The following TPD52L1 variants were observed in gnomAD, a reference collection of about 807,000 sequenced individuals.
The protein encoded by TPD52L1 is TPD52 like 1.
A neutral mutation model predicts 28.7 loss-of-function variants in TPD52L1; 18 were observed. The ratio of observed to expected loss-of-function variants is 0.63; its 90% CI spans 0.43 to 0.93. TPD52L1 has a LOEUF of 0.93. TPD52L1 is among the 40% of genes least tolerant of loss of function. The pLI is 0.00. For synonymous variants in TPD52L1, 75 were observed against 88.8 expected (o/e 0.84, Z 0.88); for missense variants, 203 against 254.8 (o/e 0.80, Z 1.39).
intron 1 of TPD52L1, among the ~76,000 whole-genome samples, chr6:125,207,306 C>T (rs892788102): frequency 6.6e-6 from 1 of 152,150 alleles, no homozygotes; most frequent in African/African-American, 2.4e-5. Context: ...AATTCTGTAA[C>T]CTAACAGATT....
chr6:125,241,087 A>G (rs866306417), intron 3 of TPD52L1, among the ~76,000 whole-genome samples: 5 of 151,988 alleles, frequency 3.3e-5, no homozygotes, highest in African/African-American at 1.2e-4. Context: ...AGATGATCAT[A>G]TGATTTTTGT....
At chr6:125,245,542 A>T (rs1037493288) in intron 3 of TPD52L1, among the ~76,000 whole-genome samples, 19 of 150,906 alleles carry the variant, frequency 1.3e-4, no homozygotes, top group Admixed American at 7.9e-4. Flanking sequence ...GCAGGGATAG[A>T]CTCTCCTTGG....
rs569810396 is a variant in TPD52L1 at position 125,217,097 on chromosome 6, T to C, written c.20-2981T>C. On this transcript the variant is annotated intron_variant, in intron 1 of 6. Transcript: ENST00000534000. ...AAAGGTAAAGTGGAGAAAATACTCATGAACAGAAAGTCAGTGTCCAGAAAT... is the reference window on the plus strand; with the variant it reads ...AAAGGTAAAGTGGAGAAAATACTCACGAACAGAAAGTCAGTGTCCAGAAAT... Among the ~76,000 whole-genome samples the C allele has an allele frequency of 7.9e-5, 12 of 152,276 alleles. No homozygotes were observed. In the East Asian group the frequency reaches 1.5e-3, roughly 20 times the overall value.
intron 3 of TPD52L1, among the ~76,000 whole-genome samples, chr6:125,238,726 A>G (rs964742036): frequency 2.0e-5 from 3 of 152,220 alleles, no homozygotes; most frequent in Non-Finnish European, 4.4e-5. Context: ...ATATATATTA[A>G]CTAGACTCAG....
intron 2 of TPD52L1, among the ~76,000 whole-genome samples, chr6:125,228,686 T>C (rs1423689000): frequency 2.0e-5 from 3 of 152,012 alleles, no homozygotes; most frequent in Non-Finnish European, 4.4e-5. Flanking sequence ...TTAAAATAAA[T>C]AAATAAAGTG....
intron 6 of TPD52L1, among the ~76,000 whole-genome samples, chr6:125,257,439 A>G (rs1435910012): frequency 3.3e-5 from 5 of 152,264 alleles, no homozygotes; most frequent in South Asian, 4.2e-4. Context: ...CCAAAAGTAG[A>G]TATGTGAGAG....
intron 1 of TPD52L1, among the ~76,000 whole-genome samples, chr6:125,204,781 T>A (rs138045433): frequency 1.3e-5 from 2 of 152,298 alleles, no homozygotes; most frequent in Non-Finnish European, 2.9e-5. Context: ...GCCAGGCCTA[T>A]CAGATTTAAT....
At chr6:125,177,888 A>C (rs1791920684) in intron 1 of TPD52L1, among the ~76,000 whole-genome samples, 1 of 152,194 alleles carries the variant, frequency 6.6e-6, no homozygotes. Flanking sequence ...AAGCACTTCA[A>C]TTTTCTATTT....
At chr6:125,184,611 TA>T (rs1792462824) in intron 1 of TPD52L1, among the ~76,000 whole-genome samples, 1 of 152,222 alleles carries the variant, frequency 6.6e-6, no homozygotes, top group Non-Finnish European at 1.5e-5. Context: ...TTGCATATGA[TA>T]ACAAACACTG....
chr6:125,223,663 C>G (rs1488159804), intron 2 of TPD52L1, among the ~76,000 whole-genome samples: 8 of 126,980 alleles, frequency 6.3e-5, no homozygotes, highest in African/African-American at 2.4e-4. Flanking sequence ...GAGCCAAGAT[C>G]ATGCCACTGC....
chr6:125,202,324 A>G (rs1410209360), intron 1 of TPD52L1, among the ~76,000 whole-genome samples: 10 of 152,228 alleles, frequency 6.6e-5, no homozygotes, highest in Admixed American at 6.5e-4. Context: ...GCTCTGAAAG[A>G]TGACTCAGCA....
At chr6:125,256,345 C>CA (rs913294767) in intron 5 of TPD52L1, among the ~76,000 whole-genome samples, 11 of 145,902 alleles carry the variant, frequency 7.5e-5, no homozygotes, top group Middle Eastern at 6.9e-3. Context: ...ACGAGACTAT[C>CA]AAAAAAAAGA....
At chr6:125,172,719 A>G (rs78747408) in intron 1 of TPD52L1, among the ~76,000 whole-genome samples, 9,081 of 148,718 alleles carry the variant, frequency 0.061, 542 homozygotes, top group East Asian at 0.33. Context: ...TGTAAGTTCT[A>G]CAGGCCCAAG....
At chr6:125,255,357 A>G (rs1302155851) in intron 5 of TPD52L1, among the ~76,000 whole-genome samples, 1 of 152,262 alleles carries the variant, frequency 6.6e-6, no homozygotes, top group Non-Finnish European at 1.5e-5. Context: ...AAAACCTGCA[A>G]TGGAAATGAA....
At chr6:125,199,871 C>G (rs917260014) in intron 1 of TPD52L1, among the ~76,000 whole-genome samples, 9 of 152,078 alleles carry the variant, frequency 5.9e-5, no homozygotes, top group African/African-American at 2.2e-4. Context: ...CATAGAGCAC[C>G]TGTTAAAGCT....
At chr6:125,167,342 T>C (rs928188534) in intron 1 of TPD52L1, among the ~76,000 whole-genome samples, 3 of 152,104 alleles carry the variant, frequency 2.0e-5, no homozygotes, top group Non-Finnish European at 2.9e-5. Context: ...CACGCATCAT[T>C]TGCTCATGTT....
At chr6:125,219,890 C>G in intron 1 of TPD52L1, 188 bp from the exon 2 acceptor site, 1 of 624,084 alleles carries the variant, frequency 1.6e-6, no homozygotes, top group Non-Finnish European at 2.9e-6. Context: ...CTTTTTTTGG[C>G]TTCTTGGTAT....
At chr6:125,236,839 G>A (rs1436743290) in intron 3 of TPD52L1, among the ~76,000 whole-genome samples, 1 of 152,076 alleles carries the variant, frequency 6.6e-6, no homozygotes, top group Non-Finnish European at 1.5e-5. Context: ...AGTCCATTCT[G>A]CAGGCACCCC....
chr6:125,258,779 C>G (rs1797749374), intron 6 of TPD52L1, among the ~76,000 whole-genome samples: 1 of 152,096 alleles, frequency 6.6e-6, no homozygotes, highest in Non-Finnish European at 1.5e-5. Context: ...ATAACTAACC[C>G]AGCCCACTAG....
Sources: gnomAD v4.1 joint callset for allele counts (sites outside exome capture counted in the v4.1 genomes callset) on GRCh38, gnomAD v4.1.1 for gene constraint, MANE v1.5 for transcripts, NCBI Gene and HGNC (gene_info 2026-07-23, HGNC 2026-07-21) for gene names.